The following SH3KBP1 variants were observed in gnomAD, a reference collection of about 807,000 sequenced individuals.
SH3KBP1 encodes the protein SH3 domain-containing kinase-binding protein 1.
A neutral mutation model predicts 50.1 loss-of-function variants in SH3KBP1; 8 were observed. That is an observed-to-expected ratio of 0.16 (90% CI 0.09 to 0.29). SH3KBP1 has a LOEUF of 0.29. SH3KBP1 is among the 10% of genes least tolerant of loss of function. SH3KBP1 has a pLI of 1.00. For missense variants in SH3KBP1, 377 were observed against 535.2 expected (o/e 0.70, Z 2.92); for synonymous variants, 227 against 218.6 (o/e 1.04, Z -0.34).
intron 2 of SH3KBP1, among the ~76,000 whole-genome samples, chrX:19,770,209 C>G (rs1408005387): frequency 1.8e-5 from 2 of 111,357 alleles, no homozygotes; most frequent in Non-Finnish European, 3.8e-5. Context: ...CACCCTCTAC[C>G]CTTAAGTAGG....
intron 1 of SH3KBP1, among the ~76,000 whole-genome samples, chrX:19,842,402 T>C (rs1483499753): frequency 9.0e-6 from 1 of 110,822 alleles, no homozygotes; most frequent in Non-Finnish European, 1.9e-5. Flanking sequence ...GGCACGTGCC[T>C]GTAATCCCAG....
At chrX:19,537,444 C>T (rs192684255) in intron 17 of SH3KBP1, among the ~76,000 whole-genome samples, 2 of 96,359 alleles carry the variant, frequency 2.1e-5, no homozygotes, top group South Asian at 4.8e-4. Flanking sequence ...GGTCACAGAG[C>T]GAGACTCCGT....
At chrX:19,783,011 A>G (rs1416643223) in intron 2 of SH3KBP1, among the ~76,000 whole-genome samples, 3 of 111,818 alleles carry the variant, frequency 2.7e-5, no homozygotes, top group Non-Finnish European at 5.7e-5. Context: ...GCAGCTACTC[A>G]GGTGGTTGGG....
chrX:19,684,402 C>T (rs2063123287), intron 5 of SH3KBP1, among the ~76,000 whole-genome samples: 1 of 111,698 alleles, frequency 9.0e-6, no homozygotes, highest in Non-Finnish European at 1.9e-5. Context: ...CCCACCCAGT[C>T]AGTACCACAT....
Position 19,609,905 on chromosome X carries a change from G to C in SH3KBP1, c.898-1860C>G, listed in dbSNP as rs1327312117. Among the ~76,000 whole-genome samples, 28 of 111,928 alleles carry C rather than the reference G, an allele frequency of 2.5e-4. No individual in the cohort carries two copies. In the Admixed American group the frequency reaches 2.7e-3, roughly 11 times the overall value. ...CTGTAGAACAGGATGGCCTCTATCT[G>C]CCTAAACTCGTGGGAATTCTCTATA... On this transcript the variant is annotated intron_variant, in intron 8 of 17. Coordinates refer to ENST00000397821, the MANE Select transcript of SH3KBP1 (RefSeq NM_031892.3).
At chrX:19,648,182 T>C (rs1602811794) in intron 6 of SH3KBP1, 1 of 319,730 alleles carries the variant, frequency 3.1e-6, no homozygotes. Flanking sequence ...GATCAGACAA[T>C]GTGACAACAT....
At chrX:19,588,831 T>C (rs2066651182) in intron 11 of SH3KBP1, 29 bp from the exon 12 acceptor site, 1 of 1,091,172 alleles carries the variant, frequency 9.2e-7, no homozygotes, top group Non-Finnish European at 1.2e-6. Context: ...AGAAAACAGA[T>C]AGATCGAGTG....
chrX:19,616,637 T>C (rs1441038280), intron 8 of SH3KBP1, among the ~76,000 whole-genome samples: 1 of 111,611 alleles, frequency 9.0e-6, no homozygotes, highest in Non-Finnish European at 1.9e-5. Flanking sequence ...GTTCAAAGAC[T>C]GGATTTTGTT....
intron 6 of SH3KBP1, among the ~76,000 whole-genome samples, chrX:19,651,948 A>C (rs1388800230): frequency 2.7e-5 from 3 of 111,757 alleles, no homozygotes; most frequent in Admixed American, 1.9e-4. Flanking sequence ...CGAGAGTAGG[A>C]CCTAAATGCT....
intron 8 of SH3KBP1, among the ~76,000 whole-genome samples, chrX:19,629,519 T>C (rs1402824329): frequency 2.7e-5 from 3 of 110,491 alleles, no homozygotes; most frequent in Non-Finnish European, 5.7e-5. Context: ...GGTGCTATGG[T>C]GGGTGATAGA....
intron 12 of SH3KBP1, among the ~76,000 whole-genome samples, chrX:19,583,619 T>A (rs767168188): frequency 9.1e-6 from 1 of 110,379 alleles, no homozygotes; most frequent in East Asian, 2.8e-4. Context: ...AGAGCCTTCA[T>A]GTGCGTTTCC....
chrX:19,616,224 A>C (rs371450786), intron 8 of SH3KBP1, among the ~76,000 whole-genome samples: 15 of 111,497 alleles, frequency 1.3e-4, no homozygotes, highest in Admixed American at 1.3e-3. Flanking sequence ...GGCCCTCCAA[A>C]GTGCTGGGAT....
chrX:19,608,281 G>C (rs2067300880), intron 8 of SH3KBP1, among the ~76,000 whole-genome samples: 2 of 109,588 alleles, frequency 1.8e-5, no homozygotes, highest in Non-Finnish European at 3.8e-5. Context: ...GAATCAATAA[G>C]GTCTTCTTTT....
chrX:19,716,557 G>T (rs2063915184), intron 3 of SH3KBP1, among the ~76,000 whole-genome samples: 1 of 111,996 alleles, frequency 8.9e-6, no homozygotes, highest in Non-Finnish European at 1.9e-5. Context: ...AGAACTAGTA[G>T]GGAACCATTT....
At chrX:19,757,223 A>C (rs2065236202) in intron 2 of SH3KBP1, among the ~76,000 whole-genome samples, 1 of 104,610 alleles carries the variant, frequency 9.6e-6, no homozygotes, top group African/African-American at 3.6e-5. Context: ...AAGCTAAAGG[A>C]AAAAGTCAAG....
chrX:19,588,877 CTG>C, intron 11 of SH3KBP1, 75 bp from the exon 12 acceptor site: 1 of 868,886 alleles, frequency 1.2e-6, no homozygotes, highest in Non-Finnish European at 1.5e-6. Context: ...CACTCATTTC[CTG>C]CTAAAAAAAA....
chrX:19,778,489 G>A (rs2066059190), intron 2 of SH3KBP1, among the ~76,000 whole-genome samples: 1 of 108,696 alleles, frequency 9.2e-6, no homozygotes, highest in Non-Finnish European at 1.9e-5. Context: ...CCCTCTCCTT[G>A]GAACTCACTC....
intron 3 of SH3KBP1, among the ~76,000 whole-genome samples, chrX:19,710,238 C>T (rs1311007397): frequency 8.9e-6 from 1 of 112,407 alleles, no homozygotes; most frequent in Non-Finnish European, 1.9e-5. Flanking sequence ...CCATCCTGTC[C>T]GGGATGTGAA....
rs201896330 is a variant in SH3KBP1 at position 19,789,872 on chromosome X, G to A, written c.163-43431C>T. Among the ~76,000 whole-genome samples the A allele has an allele frequency of 4.5e-5, 5 of 110,256 alleles. No homozygotes were observed. In the East Asian group the frequency reaches 1.4e-3, roughly 31 times the overall value. ...AAAGCCCTCTTCATTTGCTATAAAG[G>A]AAAATATATTATCTGAACAATAAGA... On this transcript the variant is annotated intron_variant, in intron 2 of 17. Transcript: ENST00000397821.
Sources: gnomAD v4.1 joint callset for allele counts (sites outside exome capture counted in the v4.1 genomes callset) on GRCh38, gnomAD v4.1.1 for gene constraint, MANE v1.5 for transcripts, NCBI Gene and HGNC (gene_info 2026-07-23, HGNC 2026-07-21) for gene names.